The following CHRM3 variants were observed in gnomAD, a reference collection of about 807,000 sequenced individuals.
CHRM3 encodes the protein muscarinic acetylcholine receptor M3.
A neutral mutation model predicts 41.8 loss-of-function variants in CHRM3; 11 were observed. The observed-to-expected ratio is 0.26, with a 90% CI of 0.17 to 0.44. The LOEUF (loss-of-function observed/expected upper bound fraction) is 0.44. Among genes scored for constraint, CHRM3 ranks in the 20% least tolerant of loss-of-function variants. The pLI is 1.00. For synonymous variants in CHRM3, 297 were observed against 301.4 expected, an observed-to-expected ratio of 0.99 and a Z score of 0.15; for missense variants, 571 against 745.4, an observed-to-expected ratio of 0.77 and a Z score of 2.72.
chr1:239,767,597 C>G (rs1168892207), intron 5 of CHRM3, among the ~76,000 whole-genome samples: 1 of 152,082 alleles, frequency 6.6e-6, no homozygotes, highest in African/African-American at 2.4e-5. Context: ...AAATCAATGA[C>G]TATAATTATA....
intron 5 of CHRM3, among the ~76,000 whole-genome samples, chr1:239,753,420 A>G (rs956918878): frequency 1.3e-5 from 2 of 152,220 alleles, no homozygotes; most frequent in Non-Finnish European, 2.9e-5. Flanking sequence ...CAGGAAACTT[A>G]CAATCATGGC....
At chr1:239,726,282 C>T (rs141989514) in intron 5 of CHRM3, among the ~76,000 whole-genome samples, 1 of 151,958 alleles carries the variant, frequency 6.6e-6, no homozygotes, top group Non-Finnish European at 1.5e-5. Context: ...GTAGGTTTTA[C>T]GCATGCATTA....
At chr1:239,786,561 T>C (rs905892142) in intron 5 of CHRM3, among the ~76,000 whole-genome samples, 2 of 152,204 alleles carry the variant, frequency 1.3e-5, no homozygotes, top group Non-Finnish European at 2.9e-5. Flanking sequence ...TCTAAACGGC[T>C]TCTGTACTAG....
intron 1 of CHRM3, among the ~76,000 whole-genome samples, chr1:239,454,546 G>A (rs1215676286): frequency 6.6e-6 from 1 of 151,394 alleles, no homozygotes; most frequent in African/African-American, 2.4e-5. Flanking sequence ...TGATCAACTC[G>A]ATGTTCAGCA....
At chr1:239,825,540 A>G (rs1672387139) in intron 5 of CHRM3, among the ~76,000 whole-genome samples, 1 of 152,208 alleles carries the variant, frequency 6.6e-6, no homozygotes, top group Non-Finnish European at 1.5e-5. Context: ...TTTGAGCTTT[A>G]GAATTACTCA....
intron 3 of CHRM3, among the ~76,000 whole-genome samples, chr1:239,595,160 C>G (rs1357844679): frequency 6.6e-6 from 1 of 152,146 alleles, no homozygotes; most frequent in Non-Finnish European, 1.5e-5. Flanking sequence ...CTTTTATTCC[C>G]TAAACAATAC....
chr1:239,515,604 G>A (rs181978042), intron 2 of CHRM3, among the ~76,000 whole-genome samples: 28 of 152,152 alleles, frequency 1.8e-4, no homozygotes, highest in South Asian at 8.3e-4. Context: ...CTTGCCACAT[G>A]GCTTCAAATG....
At chr1:239,742,393 G>T (rs1289484547) in intron 5 of CHRM3, among the ~76,000 whole-genome samples, 4 of 152,134 alleles carry the variant, frequency 2.6e-5, no homozygotes, top group African/African-American at 9.7e-5. Flanking sequence ...TTCAACCGGA[G>T]CCAGATGGCC....
intron 5 of CHRM3, among the ~76,000 whole-genome samples, chr1:239,708,031 C>T (rs915853734): frequency 1.3e-5 from 2 of 152,154 alleles, no homozygotes; most frequent in African/African-American, 2.4e-5. Flanking sequence ...CATTTAACTC[C>T]TCATAGGCAG....
intron 5 of CHRM3, among the ~76,000 whole-genome samples, chr1:239,760,090 ATTTT>A (rs66496252): frequency 0.061 from 8,655 of 143,050 alleles, 643 homozygotes; most frequent in African/African-American, 0.17. Flanking sequence ...AATTTTTTGT[ATTTT>A]TTTTTTTTTT....
chr1:239,876,866 C>A (rs1677151135), intron 6 of CHRM3, among the ~76,000 whole-genome samples: 1 of 152,144 alleles, frequency 6.6e-6, no homozygotes, highest in Non-Finnish European at 1.5e-5. Context: ...ATTTGCTTAG[C>A]TTGGGGTTTC....
chr1:239,448,287 GT>G (rs1466028880), intron 1 of CHRM3, among the ~76,000 whole-genome samples: 1 of 152,140 alleles, frequency 6.6e-6, no homozygotes, highest in Non-Finnish European at 1.5e-5. Flanking sequence ...TCCACTGTAG[GT>G]TCTGTAAGGG....
intron 3 of CHRM3, among the ~76,000 whole-genome samples, chr1:239,607,137 G>T (rs1661305905): frequency 6.6e-6 from 1 of 152,128 alleles, no homozygotes; most frequent in South Asian, 2.1e-4. Flanking sequence ...CACCTCAGAA[G>T]AGTATTTATA....
intron 1 of CHRM3, among the ~76,000 whole-genome samples, chr1:239,431,179 G>C (rs781119173): frequency 6.6e-6 from 1 of 152,056 alleles, no homozygotes. Flanking sequence ...CCAGTCAAAT[G>C]CTCGTGTACA....
At chr1:239,425,795 C>A (rs1662323339) in intron 1 of CHRM3, among the ~76,000 whole-genome samples, 1 of 152,006 alleles carries the variant, frequency 6.6e-6, no homozygotes, top group Admixed American at 6.6e-5. Context: ...ATTTATTTTT[C>A]ATGTAGAATT....
At chr1:239,824,702 G>A (rs930427517) in intron 5 of CHRM3, among the ~76,000 whole-genome samples, 3 of 152,186 alleles carry the variant, frequency 2.0e-5, no homozygotes, top group Non-Finnish European at 4.4e-5. Context: ...CCAGGGTAGA[G>A]TGGAAAACAA....
intron 5 of CHRM3, chr1:239,727,861 C>G (rs1180806652): frequency 6.6e-6 from 1 of 151,960 alleles, no homozygotes; most frequent in Non-Finnish European, 1.5e-5. Context: ...ATGACACCAA[C>G]TATCCTTACT....
chr1:239,483,847 T>G (rs1233771865), intron 1 of CHRM3, among the ~76,000 whole-genome samples: 1 of 152,188 alleles, frequency 6.6e-6, no homozygotes, highest in South Asian at 2.1e-4. Flanking sequence ...AATTTGATAT[T>G]GCAGCAAGTG....
At chr1:239,674,340 ATCT>A (rs1300553780) in intron 4 of CHRM3, among the ~76,000 whole-genome samples, 1 of 152,126 alleles carries the variant, frequency 6.6e-6, no homozygotes, top group African/African-American at 2.4e-5. Flanking sequence ...TGCAAATGTC[ATCT>A]TCATTTTTTG....
Sources: gnomAD v4.1 joint callset for allele counts (sites outside exome capture counted in the v4.1 genomes callset) on GRCh38, gnomAD v4.1.1 for gene constraint, MANE v1.5 for transcripts, NCBI Gene and HGNC (gene_info 2026-07-23, HGNC 2026-07-21) for gene names.